The following ITPKC variants were observed in gnomAD, a reference collection of about 807,000 sequenced individuals.
ITPKC encodes the protein inositol-trisphosphate 3-kinase C.
A neutral mutation model predicts 67.1 loss-of-function variants in ITPKC; 33 were observed. The ratio of observed to expected loss-of-function variants is 0.49; its 90% CI spans 0.37 to 0.66. The LOEUF is 0.66. Ranked by LOEUF, ITPKC falls within the 30% of genes least tolerant of loss-of-function variation. The pLI, the probability that ITPKC is intolerant of heterozygous loss-of-function variation, is 0.00. For synonymous variants in ITPKC, 341 were observed against 359.8 expected, an observed-to-expected ratio of 0.95 and a Z score of 0.59; for missense variants, 820 against 892.1, an observed-to-expected ratio of 0.92 and a Z score of 1.03.
In ITPKC at chr19:40,729,417, TG is replaced by T. The variant is rs1168606143; in HGVS notation, c.1469+6del. On this transcript the variant is annotated splice_donor_region_variant and intron_variant, in intron 3 of 6. Coordinates refer to ENST00000263370, the MANE Select transcript of ITPKC (RefSeq NM_025194.3). ...TATGGACTGCAAGATGGGCAGCAGG[TG>T]GGGCTGGGGCAGCCCTGGGGCAGGG... The T allele has an allele frequency of 2.5e-6, 4 of 1,610,630 alleles. No homozygotes were observed. The Admixed American group carries it at 5.0e-5, about 20-fold the overall frequency.
chr19:40,736,180 A>C (rs184533226), intron 4 of ITPKC, among the ~76,000 whole-genome samples: 16 of 152,030 alleles, frequency 1.1e-4, no homozygotes, highest in Admixed American at 1.0e-3. Flanking sequence ...AGTCCCAGCT[A>C]TCAGGAGGCT....
At position 40,729,241 on chromosome 19, in the gene ITPKC, G is replaced by A. The variant is rs780267002; in HGVS notation, c.1295G>A (p.Arg432His). 22 of 1,613,992 alleles carry A rather than the reference G, an allele frequency of 1.4e-5. No individual in the cohort carries two copies. The highest frequency in any genetic ancestry group is 2.2e-5 in the East Asian group (1 of 44,874). ...GGAGAGGATGGTCGGATTCTGAAAC[G>A]TTTCTGTCAGTGTGAGCAGCGCAGC... ...QAGEDGRILKRFCQCEQRSLE... is the reference protein window; with the variant it reads ...QAGEDGRILKHFCQCEQRSLE... Residue 432 changes from arginine to histidine, a missense_variant, in exon 3 of 7, where the codon CGT becomes CAT. This residue lies in a region of ITPKC where 339 missense variants were observed against 422.0 expected (regional missense o/e 0.80). Transcript: ENST00000263370.
intron 4 of ITPKC, among the ~76,000 whole-genome samples, chr19:40,736,611 T>A (rs1599656353): frequency 6.6e-6 from 1 of 151,974 alleles, no homozygotes; most frequent in Non-Finnish European, 1.5e-5. Flanking sequence ...TTAAGCGATT[T>A]TCCTGCCTCA....
intron 2 of ITPKC, among the ~76,000 whole-genome samples, chr19:40,726,447 G>T (rs765739503): frequency 1.8e-4 from 27 of 152,292 alleles, no homozygotes; most frequent in South Asian, 4.1e-4. Context: ...AATATCTTAG[G>T]TTTTGTGGGC....
At position 40,717,375 on chromosome 19, in the gene ITPKC, G is replaced by A. The variant is rs1046740021; in HGVS notation, c.240G>A (p.Pro80=). 1.2e-6 allele frequency: 2 copies of A among 1,612,690 alleles called. No homozygotes were observed. Among genetic ancestry groups the A allele is most frequent in the South Asian group, 1.1e-5 (1 of 91,066 alleles). The change falls in exon 1 of 7, where the codon CCG becomes CCA. Residue 80 remains proline, a synonymous_variant. Coordinates refer to ENST00000263370, the MANE Select transcript of ITPKC (RefSeq NM_025194.3). ...EPERAGLGPA[P]GTESPQAEFW... ...AGAGGGCCGGCCTCGGGCCTGCGCC[G>A]GGGACAGAGAGTCCGCAGGCAGAAT...
intron 5 of ITPKC, 59 bp from the exon 6 acceptor site, chr19:40,737,639 A>C (rs371102280): frequency 2.1e-5 from 30 of 1,457,660 alleles, no homozygotes; most frequent in Middle Eastern, 3.4e-4. Context: ...TCAGAGCTCA[A>C]GGTGGGCAAG....
rs1338889880 is a variant in ITPKC at position 40,717,711 on chromosome 19, T to A, written c.576T>A (p.Ala192=). The part of the protein sequence containing the change: ...QTQPERVKSW[A]DNLWTHQNSS... ...AGCCAGAGAGGGTCAAGTCCTGGGC[T>A]GATAACCTCTGGACCCACCAGAACA... The change falls in exon 1 of 7, where the codon GCT becomes GCA. Residue 192 remains alanine (A), a synonymous_variant. Transcript: ENST00000263370. 27 of 1,613,822 alleles carry A rather than the reference T, an allele frequency of 1.7e-5. No individual in the cohort carries two copies. Among genetic ancestry groups the A allele is most frequent in the Non-Finnish European group, 2.2e-5 (26 of 1,179,962 alleles).
Position 40,717,694 on chromosome 19 carries a change from A to G in ITPKC, c.559A>G (p.Arg187Gly). Residue 187 changes from arginine to glycine, a missense_variant, in exon 1 of 7, where the codon AGG (arginine) becomes GGG (glycine). Arg to Gly is a moderately radical substitution (Grantham distance 125). Around this residue, in one of 2 missense-constraint regions of ITPKC, gnomAD observed 481 missense variants for 470.1 expected, o/e 1.02. Transcript: ENST00000263370. Reference sequence around the variant, plus strand: ...GCATGGGTCACAGACTCAGCCAGAGAGGGTCAAGTCCTGGGCTGATAACCT... The same window carrying G: ...GCATGGGTCACAGACTCAGCCAGAGGGGGTCAAGTCCTGGGCTGATAACCT... The part of the protein sequence containing the change: ...ETHGSQTQPE[R>G]VKSWADNLWT... 6.2e-7 allele frequency: 1 copy of G among 1,614,070 alleles called. No homozygotes were observed. Among genetic ancestry groups the G allele is most frequent in the South Asian group, 1.1e-5 (1 of 91,078 alleles).
At chr19:40,719,854 C>G (rs534936473) in intron 1 of ITPKC, among the ~76,000 whole-genome samples, 1 of 152,234 alleles carries the variant, frequency 6.6e-6, no homozygotes, top group South Asian at 2.1e-4. Context: ...GAATTCAAGT[C>G]ACTTGTCCAA....
Position 40,717,906 on chromosome 19 carries a change from A to G in ITPKC, c.771A>G (p.Ala257=). 2.5e-6 allele frequency: 4 copies of G among 1,614,146 alleles called. No homozygotes were observed. The highest frequency in any genetic ancestry group is 3.4e-6 in the Non-Finnish European group (4 of 1,179,998). The change falls in exon 1 of 7, where the codon GCA becomes GCG. Residue 257 remains alanine, a synonymous_variant. Transcript: ENST00000263370. ...CCCAGAAAAAACAGGATACTGAAGC[A>G]GCCAGGAAACAGCCTGGCACTGGTG... ...DGSQKKQDTE[A]ARKQPGTGGF...
chr19:40,731,156 G>A (rs571659397), intron 3 of ITPKC, among the ~76,000 whole-genome samples: 81 of 152,286 alleles, frequency 5.3e-4, no homozygotes, highest in African/African-American at 1.9e-3. Context: ...CCCAACCCCT[G>A]GGCCGCAGAC....
At chr19:40,719,064 C>T (rs2082208488) in intron 1 of ITPKC, among the ~76,000 whole-genome samples, 1 of 152,050 alleles carries the variant, frequency 6.6e-6, no homozygotes, top group African/African-American at 2.4e-5. Flanking sequence ...GAGAGCCTCA[C>T]GTGGGGCTGG....
Position 40,717,613 on chromosome 19 carries a change from G to A in ITPKC, c.478G>A (p.Glu160Lys). 6.2e-7 allele frequency: 1 copy of A among 1,614,168 alleles called. No homozygotes were observed. Among genetic ancestry groups the A allele is most frequent in the Non-Finnish European group, 8.5e-7 (1 of 1,180,010 alleles). Residue 160 changes from glutamate to lysine, a missense_variant, in exon 1 of 7, where the codon GAG becomes AAG. Glu to Lys is a moderately conservative substitution (Grantham distance 56). Transcript: ENST00000263370. ...GTCCGACCTCCAGTTTCAGCCCGAG[G>A]AGGCCAGCCCCTGGACACAGCCAGG... ...HRSDLQFQPE[E>K]ASPWTQPGVH...
intron 4 of ITPKC, among the ~76,000 whole-genome samples, chr19:40,734,085 A>G (rs1038822374): frequency 4.6e-5 from 7 of 152,162 alleles, no homozygotes; most frequent in African/African-American, 1.7e-4. Context: ...AGTGCCAGTA[A>G]ATGGAGTTGT....
At chr19:40,736,934 G>A (rs1003032034) in intron 4 of ITPKC, 52 bp from the exon 5 acceptor site, 2 of 1,265,896 alleles carry the variant, frequency 1.6e-6, no homozygotes, top group Non-Finnish European at 2.3e-6. Context: ...CTGGGTATTG[G>A]GTGCGGGAAG....
At chr19:40,728,095 T>C (rs2082254428) in intron 2 of ITPKC, among the ~76,000 whole-genome samples, 1 of 152,116 alleles carries the variant, frequency 6.6e-6, no homozygotes, top group African/African-American at 2.4e-5. Context: ...CTTTGGAAAA[T>C]GTAATCCAGG....
chr19:40,734,894 G>A lies in ITPKC; in HGVS notation c.1674+1530G>A, dbSNP rs145198459. On this transcript the variant is annotated intron_variant, in intron 4 of 6. Coordinates refer to ENST00000263370, the MANE Select transcript of ITPKC (RefSeq NM_025194.3). ...CCTCCCGGGTTCAAGCGATTCTTCT[G>A]CCTCAGCCTCCCAAGTAGCTGGGAT... Among the ~76,000 whole-genome samples the A allele has an allele frequency of 5.3e-5, 8 of 149,712 alleles. No individual in the cohort carries two copies. In the East Asian group the frequency reaches 1.6e-3, roughly 30 times the overall value.
chr19:40,732,384 T>A lies in ITPKC; in HGVS notation c.1470-776T>A, dbSNP rs572152641. ...TCTCTACTAAAAATACAAAAAATTA[T>A]CCGGGTGTGGTGGCGGGCACCTGTA... is the stretch of plus-strand genomic sequence containing the variant. On this transcript the variant is annotated intron_variant, in intron 3 of 6. Coordinates refer to ENST00000263370, the MANE Select transcript of ITPKC (RefSeq NM_025194.3). 3.6e-3 allele frequency among the ~76,000 whole-genome samples: 518 copies of A among 145,592 alleles called. 4 individuals carry two copies. Among genetic ancestry groups the A allele is most frequent in the African/African-American group, 0.013 (497 of 39,148 alleles).
chr19:40,738,622 A>G (rs2082306689), intron 6 of ITPKC, among the ~76,000 whole-genome samples: 1 of 152,178 alleles, frequency 6.6e-6, no homozygotes, highest in African/African-American at 2.4e-5. Flanking sequence ...TGAGGCAGGA[A>G]GAGGGCTTGA....
Sources: gnomAD v4.1 joint callset for allele counts (sites outside exome capture counted in the v4.1 genomes callset) on GRCh38, gnomAD v4.1.1 for gene constraint, gnomAD v4.1.1 regional missense constraint, MANE v1.5 for transcripts, NCBI Gene and HGNC (gene_info 2026-07-23, HGNC 2026-07-21) for gene names.